Variants in ATG2B observed in about 807,000 individuals in gnomAD.
The protein encoded by ATG2B is autophagy related 2B.
In ATG2B, 121 loss-of-function variants were observed where a neutral mutation model predicts 241.3. The ratio of observed to expected loss-of-function variants is 0.50; its 90% CI spans 0.43 to 0.58. ATG2B has a LOEUF of 0.58. Among genes scored for constraint, ATG2B ranks in the 20% least tolerant of loss-of-function variants. ATG2B has a pLI of 0.00. For missense variants in ATG2B, 2,306 were observed against 2,491.6 expected, an observed-to-expected ratio of 0.93 and a Z score of 1.59; for synonymous variants, 858 against 876.6, an observed-to-expected ratio of 0.98 and a Z score of 0.37.
rs1886437965 is a variant in ATG2B at position 96,289,872 on chromosome 14, G to A, written c.5857-67C>T. 2.6e-6 allele frequency: 4 copies of A among 1,545,902 alleles called. No homozygotes were observed. Among genetic ancestry groups the A allele is most frequent in the East Asian group, 4.5e-5 (2 of 44,226 alleles). On this transcript the variant is annotated intron_variant, in intron 40 of 41. Coordinates refer to ENST00000359933, the MANE Select transcript of ATG2B (RefSeq NM_018036.7). This position sits in a 1 kb window ranked among gnomAD's most constrained non-coding sequence, Gnocchi z 4.3. ...GTCTGAAGAGTTACGGACCAGCAGA[G>A]CACTTCCTACAGGGAGTGAGGAAGA...
In ATG2B at chr14:96,309,594, C is replaced by A; in HGVS notation, c.4162G>T (p.Val1388Leu). 6.3e-7 allele frequency: 1 copy of A among 1,597,802 alleles called. No homozygotes were observed. Among genetic ancestry groups the A allele is most frequent in the Admixed American group, 1.8e-5 (1 of 56,946 alleles). Residue 1388 changes from valine (V) to leucine (L), a missense_variant and splice_region_variant, in exon 29 of 42, where the codon GTA becomes TTA. Around this residue, in one of 2 missense-constraint regions of ATG2B, gnomAD observed 1,927 missense variants for 2,011.2 expected, o/e 0.96. Coordinates refer to ENST00000359933, the MANE Select transcript of ATG2B (RefSeq NM_018036.7). ...GAGGATGATCGACCACTGGAATCTA[C>A]CTATAGCCAAAAAACCTAATTAAAA... ...KPGAFQRRSK[V>L]DSSGRSSSRG...
At chr14:96,335,708 C>T (rs1272998249) in intron 6 of ATG2B, among the ~76,000 whole-genome samples, 1 of 152,154 alleles carries the variant, frequency 6.6e-6, no homozygotes, top group African/African-American at 2.4e-5. Flanking sequence ...TGACTACTGA[C>T]ATCCCAAGCC....
rs1454755271 is a variant in ATG2B at position 96,303,175 on chromosome 14, C to A, written c.4923G>T (p.Gln1641His). The change falls in exon 33 of 42, where the codon CAG becomes CAT. Residue 1641 changes from glutamine (Q) to histidine (H), a missense_variant. This residue lies in a region of ATG2B where 1,927 missense variants were observed against 2,011.2 expected (regional missense o/e 0.96). Transcript: ENST00000359933. ...TCTCAAGATCCTGAACAATGAACAC[C>A]TGCCGGGAGACTGGGTGTTCTGAGA... ...SSLSEHPVSR[Q>H]VFIVQDLEIR... 5 of 1,613,222 alleles carry A rather than the reference C, an allele frequency of 3.1e-6. No individual in the cohort carries two copies. The highest frequency in any genetic ancestry group is 4.2e-6 in the Non-Finnish European group (5 of 1,179,640).
rs190728114 is a variant in ATG2B, at chr14:96,314,443, T to G, written c.3642+711A>C. On this transcript the variant is annotated intron_variant, in intron 23 of 41. Coordinates refer to ENST00000359933, the MANE Select transcript of ATG2B (RefSeq NM_018036.7). ...GATAAAATGCTTTAAAGCAACATCA[T>G]ATTATTGGCCTAGGGAATTATATGG... is the stretch of plus-strand genomic sequence containing the variant. Among the ~76,000 whole-genome samples, 713 of 152,336 alleles carry G rather than the reference T, an allele frequency of 4.7e-3. 19 individuals are homozygous for G. Among genetic ancestry groups the G allele is most frequent in the Admixed American group, 0.042 (642 of 15,312 alleles).
rs1461033508 is a variant in ATG2B, at chr14:96,284,428, A to G, written c.*1327T>C. 1 of 152,166 alleles carries G rather than the reference A, an allele frequency of 6.6e-6. No individual in the cohort carries two copies. Among genetic ancestry groups the G allele is most frequent in the African/African-American group, 2.4e-5 (1 of 41,436 alleles). The allele number at this position is 152,166 out of a possible 1,614,324, so 9.4% of individuals were successfully genotyped here. On this transcript the variant is annotated 3_prime_UTR_variant, in exon 42 of 42. Coordinates refer to ENST00000359933, the MANE Select transcript of ATG2B (RefSeq NM_018036.7). ...TAGAGAACGAAATTGATTTAACTACATTTTCCAAGCCCCAAATTGAAATGC... is the reference window on the plus strand; with the variant it reads ...TAGAGAACGAAATTGATTTAACTACGTTTTCCAAGCCCCAAATTGAAATGC...
At chr14:96,313,000 G>T in intron 25 of ATG2B, 65 bp downstream of exon 25, 1 of 1,012,712 alleles carries the variant, frequency 9.9e-7, no homozygotes, top group Non-Finnish European at 1.5e-6. Flanking sequence ...AAATGGTTTA[G>T]GTAAATATCA....
chr14:96,309,360 CT>C, intron 29 of ATG2B, 92 bp downstream of exon 29: 1 of 1,431,910 alleles, frequency 7.0e-7, no homozygotes, highest in Non-Finnish European at 9.5e-7. Flanking sequence ...TCATATGCGT[CT>C]TTAATAAGTG....
intron 1 of ATG2B, among the ~76,000 whole-genome samples, chr14:96,356,090 A>C (rs34257299): frequency 6.6e-6 from 1 of 151,752 alleles, no homozygotes. Context: ...AGAATGGCAT[A>C]AACCCGGGAG....
intron 33 of ATG2B, among the ~76,000 whole-genome samples, chr14:96,302,607 C>T (rs1447304509): frequency 6.6e-6 from 1 of 152,030 alleles, no homozygotes; most frequent in East Asian, 1.9e-4. Flanking sequence ...AAGATGTAGA[C>T]TCTCTTTAGA....
chr14:96,348,903 C>T (rs776710871), intron 1 of ATG2B, among the ~76,000 whole-genome samples: 26 of 151,930 alleles, frequency 1.7e-4, no homozygotes, highest in Non-Finnish European at 3.1e-4. Flanking sequence ...CTACTATGTA[C>T]CCACAAAAAT....
At chr14:96,349,576 TG>T (rs1326540901) in intron 1 of ATG2B, among the ~76,000 whole-genome samples, 7 of 152,208 alleles carry the variant, frequency 4.6e-5, no homozygotes, top group African/African-American at 7.2e-5. Context: ...GATAAATTTT[TG>T]TAACATATTT....
Position 96,290,316 on chromosome 14 carries a change from C to G in ATG2B, c.5856+120G>C. 1 of 1,346,296 alleles carries G rather than the reference C, an allele frequency of 7.4e-7. No individual in the cohort carries two copies. The highest frequency in any genetic ancestry group is 2.3e-5 in the Admixed American group (1 of 42,614). The allele number at this position is 1,346,296 out of a possible 1,614,324, so 83.4% of individuals were successfully genotyped here. On this transcript the variant is annotated intron_variant, in intron 40 of 41. Coordinates refer to ENST00000359933, the MANE Select transcript of ATG2B (RefSeq NM_018036.7). The surrounding 1 kb of genome is among the most constrained non-coding windows in gnomAD (Gnocchi z 4.4). The stretch of plus-strand genomic sequence containing the variant: ...AAACAAGCATGACATTAAATCACTA[C>G]GAATAAAGTATCTACTCACAACATT...
intron 32 of ATG2B, 137 bp from the exon 33 acceptor site, chr14:96,303,392 A>G (rs1886849494): frequency 3.3e-6 from 2 of 599,780 alleles, no homozygotes; most frequent in Non-Finnish European, 5.2e-6. Context: ...CCTTCAAAAA[A>G]CTCAACAACA....
rs76710123 is a variant in ATG2B, at chr14:96,317,079, G to A, written c.3210+66C>T. The A allele has an allele frequency of 0.059, 80,481 of 1,366,330 alleles. 2,821 individuals carry two copies. The highest frequency in any genetic ancestry group is 0.067 in the Non-Finnish European group (66,664 of 989,300). 84.6% of individuals were successfully genotyped at this position (1,366,330 alleles called of 1,614,324 possible). A position where few individuals can be genotyped will look rare whatever the true frequency, so the allele number is the denominator to read the frequency against. ...ATCAAATACTTCAATCACTAGATAT[G>A]TATCCTAGCAGATTTATTTAAAGTA... On this transcript the variant is annotated intron_variant, in intron 20 of 41. Transcript: ENST00000359933.
rs1424305560 is a variant in ATG2B, at chr14:96,299,256, C to A, written c.5139+2751G>T. ...GCTCCACTGCACTCCTTAAGGCCCACCTTGAATGTCACCACCTCCAGAAAG... is the reference window on the plus strand; with the variant it reads ...GCTCCACTGCACTCCTTAAGGCCCAACTTGAATGTCACCACCTCCAGAAAG... On this transcript the variant is annotated intron_variant, in intron 34 of 41. Coordinates refer to ENST00000359933, the MANE Select transcript of ATG2B (RefSeq NM_018036.7). Among the ~76,000 whole-genome samples, 5 of 152,128 alleles carry A rather than the reference C, an allele frequency of 3.3e-5. No individual in the cohort carries two copies. The East Asian group carries it at 9.7e-4, about 29-fold the overall frequency.
At chr14:96,329,083 T>G (rs188833601) in intron 12 of ATG2B, among the ~76,000 whole-genome samples, 42 of 152,320 alleles carry the variant, frequency 2.8e-4, no homozygotes, top group Non-Finnish European at 4.6e-4. Context: ...ACTTTTACAT[T>G]AGGAAAAATA....
In ATG2B at chr14:96,328,494, T is replaced by C. The variant is rs746905636; in HGVS notation, c.2016A>G (p.Glu672=). Residue 672 remains glutamate, a synonymous_variant, in exon 14 of 42, where the codon GAA becomes GAG. Transcript: ENST00000359933. ...ARLSSVPHKA[E]LQIKLNPVCC... ...ACACTGGATTTAATTTAATTTGCAA[T>C]TCTGCCTTGTGAGGAACTGAACTAA... 9 of 1,612,810 alleles carry C rather than the reference T, an allele frequency of 5.6e-6. No individual in the cohort carries two copies. Among genetic ancestry groups the C allele is most frequent in the Non-Finnish European group, 7.6e-6 (9 of 1,179,798 alleles).
intron 34 of ATG2B, among the ~76,000 whole-genome samples, chr14:96,299,110 T>C (rs1595296595): frequency 1.3e-5 from 2 of 152,178 alleles, no homozygotes; most frequent in African/African-American, 4.8e-5. Context: ...TGCTGCTCCA[T>C]GTTCATCCTA....
In ATG2B at chr14:96,284,077, A is replaced by G. The variant is rs1023330165; in HGVS notation, c.*1678T>C. ...TGATCAAGTGTTTTCCAGTTTGACT[A>G]ATCATAACTGGGTTAACACACATAG... On this transcript the variant is annotated 3_prime_UTR_variant, in exon 42 of 42. Transcript: ENST00000359933. 9 of 152,224 alleles carry G rather than the reference A, an allele frequency of 5.9e-5. No individual in the cohort carries two copies. The highest frequency in any genetic ancestry group is 1.7e-4 in the African/African-American group (7 of 41,458). 9.4% of individuals were successfully genotyped at this position (152,224 alleles called of 1,614,324 possible).
Sources: allele counts gnomAD v4.1 joint callset (sites outside exome capture counted in the v4.1 genomes callset), GRCh38; gene constraint gnomAD v4.1.1; regional missense constraint gnomAD v4.1.1; non-coding constraint Gnocchi (gnomAD v3.1); transcripts MANE v1.5; gene names NCBI Gene and HGNC (gene_info 2026-07-23, HGNC 2026-07-21).